Variants in FARS2 observed in about 807,000 individuals in gnomAD.
FARS2 encodes phenylalanine--tRNA ligase, mitochondrial.
A neutral mutation model predicts 46.4 loss-of-function variants in FARS2; 40 were observed. The ratio of observed to expected loss-of-function variants is 0.86; its 90% confidence interval spans 0.67 to 1.12. The LOEUF (loss-of-function observed/expected upper bound fraction) is 1.12, where lower values mean the gene tolerates loss of function less well. Ranked by LOEUF, FARS2 falls within the 50% of genes most tolerant of loss-of-function variation. FARS2 has a pLI of 0.00. For missense variants in FARS2, 513 were observed against 567.9 expected, an observed-to-expected ratio of 0.90 and a Z score of 0.98; for synonymous variants, 234 against 214.9, an observed-to-expected ratio of 1.09 and a Z score of -0.78.
At chr6:5,350,903 C>A (rs1461679601) in intron 1 of FARS2, among the ~76,000 whole-genome samples, 2 of 152,172 alleles carry the variant, frequency 1.3e-5, no homozygotes, top group Non-Finnish European at 1.5e-5. Context: ...CTCTGGAGAG[C>A]TGGGGTTTCT....
At chr6:5,406,316 A>G (rs1265160036) in intron 3 of FARS2, among the ~76,000 whole-genome samples, 2 of 152,200 alleles carry the variant, frequency 1.3e-5, no homozygotes, top group Non-Finnish European at 2.9e-5. Flanking sequence ...ATACTCGCAC[A>G]GTCTTACAAG....
intron 4 of FARS2, among the ~76,000 whole-genome samples, chr6:5,540,581 T>C (rs1441916777): frequency 7.2e-5 from 11 of 152,250 alleles, no homozygotes; most frequent in African/African-American, 2.7e-4. Flanking sequence ...AAGAATCCAC[T>C]GTGTGGGAAG....
At chr6:5,520,253 T>C (rs776457556) in intron 4 of FARS2, among the ~76,000 whole-genome samples, 11 of 152,276 alleles carry the variant, frequency 7.2e-5, no homozygotes, top group Non-Finnish European at 1.3e-4. Context: ...GAGGCCCCCA[T>C]GTGGGCATTT....
At chr6:5,252,280 G>A in the FARS2 span, among the ~76,000 whole-genome samples, 4 of 152,284 alleles carry the variant, frequency 2.6e-5, no homozygotes, top group South Asian at 2.1e-4. Flanking sequence ...GGCAGCCCAC[G>A]GGGAGCGAGG....
intron 6 of FARS2, among the ~76,000 whole-genome samples, chr6:5,644,438 A>C (rs578052063): frequency 1.6e-4 from 25 of 152,220 alleles, no homozygotes; most frequent in Non-Finnish European, 2.8e-4. Flanking sequence ...CTGGTCTTGA[A>C]CTGAGCTCAA....
intron 4 of FARS2, among the ~76,000 whole-genome samples, chr6:5,464,659 A>G (rs954372469): frequency 2.0e-5 from 3 of 152,184 alleles, no homozygotes; most frequent in Non-Finnish European, 4.4e-5. Flanking sequence ...AAGCTCGTAT[A>G]GTACTGGGAC....
intron 4 of FARS2, among the ~76,000 whole-genome samples, chr6:5,468,635 A>G (rs1009395478): frequency 6.6e-6 from 1 of 152,232 alleles, no homozygotes; most frequent in African/African-American, 2.4e-5. Context: ...CCAGTGTTTG[A>G]TTGTTCATTT....
intron 1 of FARS2, among the ~76,000 whole-genome samples, chr6:5,330,299 CCTCA>C (rs1343483166): frequency 6.6e-6 from 1 of 152,138 alleles, no homozygotes; most frequent in East Asian, 1.9e-4. Context: ...TCTTATCCAT[CCTCA>C]CTTTTTTCTT....
chr6:5,562,531 G>C (rs1020727309), intron 5 of FARS2, among the ~76,000 whole-genome samples: 18 of 152,076 alleles, frequency 1.2e-4, no homozygotes, highest in Non-Finnish European at 2.4e-4. Flanking sequence ...TCGGATGAGT[G>C]TTCATCAGAA....
chr6:5,382,102 T>C (rs1759833056), intron 2 of FARS2, among the ~76,000 whole-genome samples: 1 of 152,234 alleles, frequency 6.6e-6, no homozygotes, highest in Non-Finnish European at 1.5e-5. Flanking sequence ...TGTTGGACTT[T>C]AGATAGCGTG....
chr6:5,717,949 C>G (rs1157723011), intron 6 of FARS2, among the ~76,000 whole-genome samples: 2 of 50,330 alleles, frequency 4.0e-5, no homozygotes, highest in East Asian at 5.7e-4. Flanking sequence ...GAGTCTCACT[C>G]TGTCGCCCAG....
chr6:5,412,741 CTT>C (rs944331858), intron 3 of FARS2, among the ~76,000 whole-genome samples: 29 of 152,138 alleles, frequency 1.9e-4, no homozygotes, highest in Admixed American at 6.5e-5. Context: ...GTGTGTATCA[CTT>C]TATTAATTTT....
chr6:5,748,694 G>C (rs567774165), intron 6 of FARS2, among the ~76,000 whole-genome samples: 1 of 152,388 alleles, frequency 6.6e-6, no homozygotes, highest in Non-Finnish European at 1.5e-5. Context: ...AGAGCCTGGA[G>C]CAGTAACCAA....
At chr6:5,415,529 C>G (rs988204843) in intron 3 of FARS2, among the ~76,000 whole-genome samples, 18 of 151,718 alleles carry the variant, frequency 1.2e-4, no homozygotes, top group African/African-American at 4.4e-4. Flanking sequence ...GTTAGCTAGG[C>G]TGGCCTGGAA....
At chr6:5,263,636 G>C (rs945819938) in intron 1 of FARS2, among the ~76,000 whole-genome samples, 2 of 152,150 alleles carry the variant, frequency 1.3e-5, no homozygotes, top group Non-Finnish European at 2.9e-5. Context: ...ATTTTTCTTA[G>C]AGAGTATCTG....
chr6:5,325,719 T>G (rs1031189384), intron 1 of FARS2, among the ~76,000 whole-genome samples: 1 of 152,158 alleles, frequency 6.6e-6, no homozygotes. Context: ...TTTAAATGAT[T>G]TTTTTCTATT....
At chr6:5,310,870 A>G (rs1275080817) in intron 1 of FARS2, among the ~76,000 whole-genome samples, 3 of 152,228 alleles carry the variant, frequency 2.0e-5, no homozygotes, top group Non-Finnish European at 4.4e-5. Flanking sequence ...GAGTGAATGA[A>G]TGCATGAAAA....
intron 4 of FARS2, among the ~76,000 whole-genome samples, chr6:5,437,385 CTTCT>C (rs1489472805): frequency 6.6e-6 from 1 of 152,172 alleles, no homozygotes; most frequent in East Asian, 1.9e-4. Context: ...GTGTTTAGCT[CTTCT>C]TTCTATGTTT....
intron 5 of FARS2, among the ~76,000 whole-genome samples, chr6:5,564,436 C>T (rs1383632906): frequency 6.6e-6 from 1 of 151,990 alleles, no homozygotes; most frequent in Non-Finnish European, 1.5e-5. Context: ...TGTTTGTTTC[C>T]AAGCTGCGGA....
Sources: gnomAD v4.1 joint callset for allele counts (sites outside exome capture counted in the v4.1 genomes callset) on GRCh38, gnomAD v4.1.1 for gene constraint, MANE v1.5 for transcripts, NCBI Gene and HGNC (gene_info 2026-07-23, HGNC 2026-07-21) for gene names.